Variants in PSD2 observed in about 807,000 individuals in gnomAD.
PSD2 encodes PH and SEC7 domain-containing protein 2.
Under a neutral mutation model 69.8 loss-of-function variants are expected in PSD2, and 38 were observed. The ratio of observed to expected loss-of-function variants is 0.54; its 90% CI spans 0.42 to 0.71. The LOEUF is 0.71. Ranked by LOEUF, PSD2 falls within the 30% of genes least tolerant of loss-of-function variation. PSD2 has a pLI of 0.00. For synonymous variants in PSD2, 412 were observed against 423.0 expected, an observed-to-expected ratio of 0.97 and a Z score of 0.32; for missense variants, 943 against 1,014.5, an observed-to-expected ratio of 0.93 and a Z score of 0.96.
Position 139,842,495 on chromosome 5 carries a change from C to T in PSD2, c.*21C>T, listed in dbSNP as rs762424353. 5.0e-6 allele frequency: 8 copies of T among 1,605,788 alleles called. No individual in the cohort carries two copies. In the South Asian group the frequency reaches 8.8e-5, roughly 18 times the overall value. On this transcript the variant is annotated 3_prime_UTR_variant, in exon 15 of 15. Coordinates refer to ENST00000274710, the MANE Select transcript of PSD2 (RefSeq NM_032289.4). ...CTTAGCTGACATGGATTTGCAGACCCCAGGGTGGGCAGATGTCTCCAGTGG... is the reference window on the plus strand; with the variant it reads ...CTTAGCTGACATGGATTTGCAGACCTCAGGGTGGGCAGATGTCTCCAGTGG...
At chr5:139,789,257 C>G in the PSD2 span, among the ~76,000 whole-genome samples, 1 of 152,194 alleles carries the variant, frequency 6.6e-6, no homozygotes. Flanking sequence ...GTGCAGGGTC[C>G]TTGCGCTCAT....
chr5:139,820,368 G>GA (rs772308026), intron 5 of PSD2, among the ~76,000 whole-genome samples: 4 of 78,642 alleles, frequency 5.1e-5, no homozygotes, highest in African/African-American at 8.3e-5. Flanking sequence ...AGAAGAGAAC[G>GA]GGAGCAAGAG....
chr5:139,836,809 A>G lies in PSD2; in HGVS notation c.1404-2A>G, dbSNP rs1240280112. On this transcript the variant is annotated splice_acceptor_variant, in intron 9 of 14. Transcript: ENST00000274710. LOFTEE classifies it high-confidence loss of function. Reference sequence around the variant, plus strand: ...TGGTGCTCAGGCCTAGTACTTCCCTAGTGATGAGGATGAGCTGAGGAAATC... The same window carrying G: ...TGGTGCTCAGGCCTAGTACTTCCCTGGTGATGAGGATGAGCTGAGGAAATC... 6.2e-7 allele frequency: 1 copy of G among 1,613,674 alleles called. No homozygotes were observed. The highest frequency in any genetic ancestry group is 8.5e-7 in the Non-Finnish European group (1 of 1,179,692).
At chr5:139,834,789 T>G (rs1368431980) in intron 8 of PSD2, among the ~76,000 whole-genome samples, 1 of 151,948 alleles carries the variant, frequency 6.6e-6, no homozygotes, top group Admixed American at 6.6e-5. Context: ...GATCAAACAA[T>G]CCCAGTCCCA....
the PSD2 span, among the ~76,000 whole-genome samples, chr5:139,781,339 T>TC: frequency 3.8e-4 from 53 of 141,222 alleles, no homozygotes; most frequent in Middle Eastern, 0.011. Flanking sequence ...TATCTCTCTC[T>TC]TTTTTTTTTT....
At chr5:139,766,934 T>C in the PSD2 span, among the ~76,000 whole-genome samples, 5 of 73,080 alleles carry the variant, frequency 6.8e-5, no homozygotes, top group African/African-American at 2.6e-4. Flanking sequence ...CCTTCCCTTC[T>C]TTCTTTCTTT....
Position 139,813,378 on chromosome 5 carries a change from AG to A in PSD2, c.442del (p.Glu148SerfsTer14). On this transcript the variant is annotated frameshift_variant, in exon 3 of 15. Coordinates refer to ENST00000274710, the MANE Select transcript of PSD2 (RefSeq NM_032289.4). LOFTEE classifies it high-confidence loss of function. ...CCACGTTTGAGAAGATTCTGGAGTC[AG>A]AGCTGCTGCGGGGCACCCAGTACAG... ...SATFEKILES[E>X]LLRGTQYSSL... 1 of 1,599,568 alleles carries A rather than the reference AG, an allele frequency of 6.3e-7. No individual in the cohort carries two copies. The highest frequency in any genetic ancestry group is 8.6e-7 in the Non-Finnish European group (1 of 1,168,638).
chr5:139,768,030 TG>T, the PSD2 span, among the ~76,000 whole-genome samples: 6 of 152,240 alleles, frequency 3.9e-5, no homozygotes, highest in Non-Finnish European at 8.8e-5. Flanking sequence ...AGTGCTCCCC[TG>T]TCCCCTGGGC....
intron 6 of PSD2, among the ~76,000 whole-genome samples, chr5:139,822,213 T>C (rs1206506718): frequency 3.9e-5 from 6 of 152,232 alleles, no homozygotes; most frequent in South Asian, 2.1e-4. Flanking sequence ...GTCTTGCCTG[T>C]TCTCCTCCCC....
Position 139,813,563 on chromosome 5 carries a change from T to C in PSD2, c.626T>C (p.Met209Thr). The change falls in exon 3 of 15, where the codon ATG becomes ACG. Residue 209 changes from methionine to threonine, a missense_variant. Physicochemically the swap from Met to Thr is moderately conservative, Grantham distance 81 (BLOSUM62 -1). Transcript: ENST00000274710. ...GIGDMAFEGDMGAAGGDGELG... is the reference protein window; with the variant it reads ...GIGDMAFEGDTGAAGGDGELG... Reference sequence around the variant, plus strand: ...GGGGACATGGCGTTTGAGGGGGACATGGGGGCAGCTGGTGGTGATGGGGAG... The same window carrying C: ...GGGGACATGGCGTTTGAGGGGGACACGGGGGCAGCTGGTGGTGATGGGGAG... The C allele has an allele frequency of 1.9e-6, 3 of 1,612,398 alleles. No homozygotes were observed. Among genetic ancestry groups the C allele is most frequent in the South Asian group, 2.2e-5 (2 of 91,010 alleles).
chr5:139,756,812 T>A, the PSD2 span, among the ~76,000 whole-genome samples: 1 of 152,118 alleles, frequency 6.6e-6, no homozygotes, highest in Non-Finnish European at 1.5e-5. Context: ...TGACTCAGTT[T>A]CCTCCGCTGG....
At chr5:139,769,589 C>G in the PSD2 span, among the ~76,000 whole-genome samples, 1 of 152,204 alleles carries the variant, frequency 6.6e-6, no homozygotes, top group Non-Finnish European at 1.5e-5. Context: ...GGGCAGGGGA[C>G]TGTGGTGGCT....
Position 139,842,342 on chromosome 5 carries a change from G to A in PSD2, c.2184G>A (p.Arg728=). 6.2e-7 allele frequency: 1 copy of A among 1,614,222 alleles called. No individual in the cohort carries two copies. The highest frequency in any genetic ancestry group is 8.5e-7 in the Non-Finnish European group (1 of 1,180,044). Residue 728 remains arginine, a synonymous_variant, in exon 15 of 15, where the codon CGG becomes CGA. Coordinates refer to ENST00000274710, the MANE Select transcript of PSD2 (RefSeq NM_032289.4). ...KIKVGSDDLE[R]IEARLATLEG... is the part of the protein sequence containing the mutation. The stretch of plus-strand genomic sequence containing the variant: ...AAGTGGGCTCAGATGATCTGGAGCG[G>A]ATTGAGGCCCGGCTGGCCACTCTGG...
rs370293952 is a variant in PSD2, at chr5:139,837,605, G to A, written c.1666-20G>A. On this transcript the variant is annotated intron_variant, in intron 11 of 14. Coordinates refer to ENST00000274710, the MANE Select transcript of PSD2 (RefSeq NM_032289.4). The surrounding 1 kb of genome is among the most constrained non-coding windows in gnomAD (Gnocchi z 5.0). ...AGGTGTGGGTCAGTGACCCTAGCTC[G>A]CCCATCCTGCCCCACCCAGGATGAG... 1.8e-4 allele frequency: 281 copies of A among 1,578,082 alleles called. No homozygotes were observed. Among genetic ancestry groups the A allele is most frequent in the South Asian group, 7.1e-4 (62 of 87,716 alleles).
the PSD2 span, among the ~76,000 whole-genome samples, chr5:139,765,464 T>A: frequency 6.6e-6 from 1 of 152,006 alleles, no homozygotes; most frequent in African/African-American, 2.4e-5. Flanking sequence ...CACCTCTTCG[T>A]ACTTCTGTTC....
chr5:139,826,721 G>A (rs1208157087), intron 7 of PSD2, among the ~76,000 whole-genome samples: 5 of 152,132 alleles, frequency 3.3e-5, no homozygotes, highest in African/African-American at 1.2e-4. Context: ...AAAGTGTAGA[G>A]TCAGGCAGGG....
At chr5:139,755,310 G>A in the PSD2 span, among the ~76,000 whole-genome samples, 1 of 152,156 alleles carries the variant, frequency 6.6e-6, no homozygotes, top group Non-Finnish European at 1.5e-5. Flanking sequence ...GAAATGGGTG[G>A]CTGAGAGGGT....
Position 139,830,610 on chromosome 5 carries a change from C to T in PSD2, c.1270-3092C>T, listed in dbSNP as rs200582977. ...TCTTTCTTTTTCTTTCTTTCTTTCT[C>T]TTTCTTTCTTTCTTTCTCTTTCTTT... On this transcript the variant is annotated intron_variant, in intron 7 of 14. Coordinates refer to ENST00000274710, the MANE Select transcript of PSD2 (RefSeq NM_032289.4). 1.4e-3 allele frequency among the ~76,000 whole-genome samples: 100 copies of T among 70,592 alleles called. 1 individual carries two copies. The highest frequency in any genetic ancestry group is 6.2e-3 in the African/African-American group (85 of 13,696). 46.3% of individuals were successfully genotyped at this position (70,592 alleles called of 152,430 possible).
intron 2 of PSD2, among the ~76,000 whole-genome samples, chr5:139,812,283 C>T (rs983880696): frequency 1.3e-5 from 2 of 151,788 alleles, no homozygotes; most frequent in African/African-American, 4.8e-5. Context: ...TGGTTTAGAT[C>T]GGGAGGTCGG....
Sources: gnomAD v4.1 joint callset for allele counts (sites outside exome capture counted in the v4.1 genomes callset) on GRCh38, gnomAD v4.1.1 for gene constraint, Gnocchi (gnomAD v3.1) non-coding constraint, MANE v1.5 for transcripts, NCBI Gene and HGNC (gene_info 2026-07-23, HGNC 2026-07-21) for gene names.